Variants in BDH1 observed in about 807,000 individuals in gnomAD.
The protein encoded by BDH1 is D-beta-hydroxybutyrate dehydrogenase, mitochondrial.
BDH1 carries 30 observed loss-of-function variants against 33.1 expected under a neutral mutation model. The ratio of observed to expected loss-of-function variants is 0.91; its 90% CI spans 0.68 to 1.23. The LOEUF is 1.23. Ranked by LOEUF, BDH1 falls within the 50% of genes most tolerant of loss-of-function variation. BDH1 has a pLI of 0.00. For missense variants in BDH1, 443 were observed against 464.4 expected (o/e 0.95, Z 0.42); for synonymous variants, 190 against 183.6 (o/e 1.03, Z -0.28).
chr3:197,554,724 A>G lies in BDH1; in HGVS notation c.-195-11T>C, dbSNP rs1357431351. On this transcript the variant is annotated splice_polypyrimidine_tract_variant and intron_variant, in intron 1 of 7. Coordinates refer to ENST00000392379, the MANE Select transcript of BDH1 (RefSeq NM_203314.3). The surrounding 1 kb of genome is among the most constrained non-coding windows in gnomAD (Gnocchi z 4.4). ...TTCCAGGCTGACTGGCTGGAAAAGAAAAAAAAAAAACGCGGAGTTCGACGC... is the reference window on the plus strand; with the variant it reads ...TTCCAGGCTGACTGGCTGGAAAAGAGAAAAAAAAAACGCGGAGTTCGACGC... The G allele has an allele frequency of 6.7e-6, 1 of 150,286 alleles. No individual in the cohort carries two copies. Among genetic ancestry groups the G allele is most frequent in the Admixed American group, 6.6e-5 (1 of 15,148 alleles). 9.3% of individuals were successfully genotyped at this position (150,286 alleles called of 1,614,324 possible).
intron 3 of BDH1, among the ~76,000 whole-genome samples, chr3:197,544,905 G>A (rs897421533): frequency 2.6e-5 from 4 of 152,208 alleles, no homozygotes; most frequent in East Asian, 1.9e-4. Flanking sequence ...AAAATTAGCC[G>A]GGTGTGGTGG....
At chr3:197,542,788 C>T (rs1715763269) in intron 3 of BDH1, among the ~76,000 whole-genome samples, 1 of 152,104 alleles carries the variant, frequency 6.6e-6, no homozygotes, top group Non-Finnish European at 1.5e-5. Context: ...TCCCAAAGTG[C>T]TGGGATTACA....
intron 4 of BDH1, among the ~76,000 whole-genome samples, chr3:197,533,282 G>A (rs1714860186): frequency 6.6e-6 from 1 of 152,178 alleles, no homozygotes; most frequent in Admixed American, 6.5e-5. Flanking sequence ...GGGCTGGAGT[G>A]CCTCATTACT....
At chr3:197,560,748 G>T (rs940462984), upstream of BDH1, among the ~76,000 whole-genome samples, 12 of 152,198 alleles carry the variant, frequency 7.9e-5, no homozygotes, top group African/African-American at 2.9e-4. Flanking sequence ...AAGCTAAAGG[G>T]AAAGTCAAGC....
intron 1 of BDH1, among the ~76,000 whole-genome samples, chr3:197,571,635 G>A (rs1006896019): frequency 5.9e-5 from 9 of 152,128 alleles, no homozygotes; most frequent in African/African-American, 1.7e-4. Flanking sequence ...TGTGCCTTTT[G>A]CCTTCTGCCA....
Position 197,523,567 on chromosome 3 carries a change from G to A in BDH1, c.268-786C>T, listed in dbSNP as rs1031549373. Among the ~76,000 whole-genome samples the A allele has an allele frequency of 3.3e-5, 5 of 152,206 alleles. No individual in the cohort carries two copies. Among genetic ancestry groups the A allele is most frequent in the South Asian group, 4.1e-4 (2 of 4,830 alleles). ...AGGTACTGCTAAACAGGAGAAAGGC[G>A]TCACTCGCTCGGCAAACATTTCTTG... On this transcript the variant is annotated intron_variant, in intron 5 of 7. Transcript: ENST00000392379. The surrounding 1 kb of genome is among the most constrained non-coding windows in gnomAD (Gnocchi z 4.5).
chr3:197,526,035 T>C lies in BDH1; in HGVS notation c.268-3254A>G, dbSNP rs1714066536. Among the ~76,000 whole-genome samples the C allele has an allele frequency of 6.6e-6, 1 of 152,258 alleles. No individual in the cohort carries two copies. The highest frequency in any genetic ancestry group is 1.5e-5 in the Non-Finnish European group (1 of 68,044). On this transcript the variant is annotated intron_variant, in intron 5 of 7. Transcript: ENST00000392379. This position sits in a 1 kb window ranked among gnomAD's most constrained non-coding sequence, Gnocchi z 4.7. Reference sequence around the variant, plus strand: ...TGATAAACCCACTTCTTTATCTTACTGTCCCTTTCAACCTCACCTGTAAGC... The same window carrying C: ...TGATAAACCCACTTCTTTATCTTACCGTCCCTTTCAACCTCACCTGTAAGC...
rs544714134 is a variant in BDH1, at chr3:197,511,783, T to G, written c.*112A>C. 4 of 1,093,232 alleles carry G rather than the reference T, an allele frequency of 3.7e-6. No homozygotes were observed. In the East Asian group the frequency reaches 1.0e-4, roughly 28 times the overall value. The allele number at this position is 1,093,232 out of a possible 1,614,324, so 67.7% of individuals were successfully genotyped here. On this transcript the variant is annotated 3_prime_UTR_variant, in exon 8 of 8. Transcript: ENST00000392379. Reference sequence around the variant, plus strand: ...TTAGTGTTAAAACCAGTTATGGGTCTTCCTGGCATGGTGGATAATCCACAC... The same window carrying G: ...TTAGTGTTAAAACCAGTTATGGGTCGTCCTGGCATGGTGGATAATCCACAC...
In BDH1 at chr3:197,515,470, G is replaced by A. The variant is rs952338158; in HGVS notation, c.410-1054C>T. The A allele has an allele frequency of 7.5e-5, 74 of 985,644 alleles. No individual in the cohort carries two copies. In the African/African-American group the frequency reaches 8.7e-4, roughly 12 times the overall value. The allele number at this position is 985,644 out of a possible 1,614,324, so 61.1% of individuals were successfully genotyped here. On this transcript the variant is annotated intron_variant, in intron 6 of 7. Coordinates refer to ENST00000392379, the MANE Select transcript of BDH1 (RefSeq NM_203314.3). ...CTTCACCTTCTTCTCTTCCCAGGAG[G>A]AGCAGCAGGCCACTCCCCACCCGTC...
chr3:197,513,412 G>A (rs997413533), intron 7 of BDH1, among the ~76,000 whole-genome samples: 1 of 148,272 alleles, frequency 6.7e-6, no homozygotes, highest in Admixed American at 6.7e-5. Flanking sequence ...CCATCCAGGT[G>A]TGCCCCCGGG....
chr3:197,525,023 C>A lies in BDH1; in HGVS notation c.268-2242G>T, dbSNP rs1034064570. Among the ~76,000 whole-genome samples, 3 of 152,160 alleles carry A rather than the reference C, an allele frequency of 2.0e-5. No individual in the cohort carries two copies. Among genetic ancestry groups the A allele is most frequent in the African/African-American group, 7.2e-5 (3 of 41,428 alleles). ...ATGGTCTAAAGTTTGGCTCTGAAAT[C>A]CCCTAGGTGCGCCGACCTTCCCAAA... On this transcript the variant is annotated intron_variant, in intron 5 of 7. Coordinates refer to ENST00000392379, the MANE Select transcript of BDH1 (RefSeq NM_203314.3). The surrounding 1 kb of genome is among the most constrained non-coding windows in gnomAD (Gnocchi z 4.9).
chr3:197,573,012 T>C (rs1717661597), intron 1 of BDH1, among the ~76,000 whole-genome samples: 1 of 152,212 alleles, frequency 6.6e-6, no homozygotes, highest in East Asian at 1.9e-4. Context: ...GAAAATCTAA[T>C]TGCAAAGCTG....
chr3:197,539,242 C>T (rs111853484), intron 3 of BDH1, among the ~76,000 whole-genome samples: 554 of 152,304 alleles, frequency 3.6e-3, no homozygotes, highest in African/African-American at 0.011. Flanking sequence ...TGGGTTCAAG[C>T]AATTCTCCTG....
At position 197,523,221 on chromosome 3, in the gene BDH1, T is replaced by TA. The variant is rs58429644; in HGVS notation, c.268-441dup. The TA allele has an allele frequency of 0.024, 3,631 of 150,804 alleles. 70 individuals are homozygous for TA. Among genetic ancestry groups the TA allele is most frequent in the East Asian group, 0.1 (535 of 5,224 alleles). The allele number at this position is 150,804 out of a possible 1,614,324, so 9.3% of individuals were successfully genotyped here. On this transcript the variant is annotated intron_variant, in intron 5 of 7. Coordinates refer to ENST00000392379, the MANE Select transcript of BDH1 (RefSeq NM_203314.3). The surrounding 1 kb of genome is among the most constrained non-coding windows in gnomAD (Gnocchi z 4.5). Reference sequence around the variant, plus strand: ...TAAGTGTTGGCAACTTACACACATTTAAAAAAAAAAACAAAAAAACACTGT... The same window carrying TA: ...TAAGTGTTGGCAACTTACACACATTTAAAAAAAAAAAACAAAAAAACACTGT...
At chr3:197,532,700 T>C (rs916008520) in intron 4 of BDH1, among the ~76,000 whole-genome samples, 178 bp from the exon 5 acceptor site, 2 of 152,234 alleles carry the variant, frequency 1.3e-5, no homozygotes, top group Admixed American at 6.5e-5. Flanking sequence ...GGCCAGGTTC[T>C]AACCCAGACT....
intron 3 of BDH1, chr3:197,538,459 C>G: frequency 2.2e-6 from 1 of 446,378 alleles, no homozygotes; most frequent in South Asian, 1.6e-5. Context: ...TCAAGCGATT[C>G]TCCTGCCTCA....
chr3:197,517,306 G>A lies in BDH1; in HGVS notation c.410-2890C>T, dbSNP rs112356190. ...CCATCCCCCCCTCAGGCCGACCCCCGCATCAGTCATTTCCTGCTCTATGGT... is the reference window on the plus strand; with the variant it reads ...CCATCCCCCCCTCAGGCCGACCCCCACATCAGTCATTTCCTGCTCTATGGT... On this transcript the variant is annotated intron_variant, in intron 6 of 7. Transcript: ENST00000392379. 4.4e-3 allele frequency among the ~76,000 whole-genome samples: 240 copies of A among 55,140 alleles called. 9 individuals carry two copies. Among genetic ancestry groups the A allele is most frequent in the African/African-American group, 0.018 (226 of 12,824 alleles). 36.2% of individuals were successfully genotyped at this position (55,140 alleles called of 152,430 possible). A position where few individuals can be genotyped will look rare whatever the true frequency, so the allele number is the denominator to read the frequency against.
chr3:197,542,288 C>T (rs1367407587), intron 3 of BDH1, among the ~76,000 whole-genome samples: 2 of 152,158 alleles, frequency 1.3e-5, no homozygotes, highest in Non-Finnish European at 2.9e-5. Context: ...GAGGCAATCC[C>T]AGCTCATACA....
chr3:197,546,595 C>T, intron 2 of BDH1, 109 bp from the exon 3 acceptor site: 1 of 676,976 alleles, frequency 1.5e-6, no homozygotes, highest in Non-Finnish European at 2.6e-6. Context: ...GCATCTGTTC[C>T]ACCCAGCTCC....
Sources: allele counts gnomAD v4.1 joint callset (sites outside exome capture counted in the v4.1 genomes callset), GRCh38; gene constraint gnomAD v4.1.1; non-coding constraint Gnocchi (gnomAD v3.1); transcripts MANE v1.5; gene names NCBI Gene and HGNC (gene_info 2026-07-23, HGNC 2026-07-21).